Variants in RBM44 observed in about 807,000 individuals in gnomAD.
RBM44 encodes RNA-binding protein 44.
In RBM44, 66 loss-of-function variants were observed where a neutral mutation model predicts 105.1. The observed-to-expected ratio is 0.63, with a 90% CI of 0.52 to 0.77. The LOEUF (loss-of-function observed/expected upper bound fraction) is 0.77. Ranked by LOEUF, RBM44 falls within the 30% of genes least tolerant of loss-of-function variation. RBM44 has a pLI of 0.00. For missense variants in RBM44, 1,122 were observed against 1,207.8 expected (o/e 0.93, Z 1.05); for synonymous variants, 365 against 417.6 (o/e 0.87, Z 1.54).
chr2:237,835,194 T>C (rs1029938390), intron 15 of RBM44, among the ~76,000 whole-genome samples: 5 of 152,322 alleles, frequency 3.3e-5, no homozygotes, highest in South Asian at 2.1e-4. Context: ...TATAAATGTG[T>C]GTGTTCTGAC....
At chr2:237,833,553 C>T (rs2150989188) in intron 13 of RBM44, among the ~76,000 whole-genome samples, 1 of 152,306 alleles carries the variant, frequency 6.6e-6, no homozygotes, top group Non-Finnish European at 1.5e-5. Context: ...TCTCTAATTA[C>T]TGTGTAGCCT....
intron 8 of RBM44, among the ~76,000 whole-genome samples, chr2:237,822,319 G>A (rs2061801434): frequency 6.6e-6 from 1 of 151,968 alleles, no homozygotes; most frequent in South Asian, 2.1e-4. Context: ...ACTCTTTCTT[G>A]TTCCCGCAAG....
Position 237,817,725 on chromosome 2 carries a change from T to C in RBM44, c.806T>C (p.Met269Thr), listed in dbSNP as rs765670287. The change falls in exon 3 of 16, where the codon ATG becomes ACG. Residue 269 changes from methionine to threonine, a missense_variant. By Grantham distance (81) the Met-to-Thr change is moderately conservative (BLOSUM62 -1). Around this residue, in one of 3 missense-constraint regions of RBM44, gnomAD observed 918 missense variants for 955.3 expected, o/e 0.96. Transcript: ENST00000316997. ...GTCTCCAAATTTCAGAATTCTGTTA[T>C]GTTAAGAGAATATCATGACCTAAAG... ...LHVSKFQNSV[M>T]LREYHDLKHE... The C allele has an allele frequency of 3.2e-5, 52 of 1,612,172 alleles. No individual in the cohort carries two copies. The highest frequency in any genetic ancestry group is 4.3e-5 in the Non-Finnish European group (51 of 1,179,058).
In RBM44 at chr2:237,818,639, G is replaced by A; in HGVS notation, c.1677+43G>A. ...AATAATAAAATTTGGACTTTATAAAGAGACAGTGTATGCTAATGTAAGTGT... is the reference window on the plus strand; with the variant it reads ...AATAATAAAATTTGGACTTTATAAAAAGACAGTGTATGCTAATGTAAGTGT... On this transcript the variant is annotated intron_variant, in intron 3 of 15. Coordinates refer to ENST00000316997, the MANE Select transcript of RBM44 (RefSeq NM_001080504.3). This position sits in a 1 kb window ranked among gnomAD's most constrained non-coding sequence, Gnocchi z 4.6. The A allele has an allele frequency of 7.5e-7, 1 of 1,334,364 alleles. No homozygotes were observed. Among genetic ancestry groups the A allele is most frequent in the Non-Finnish European group, 1.0e-6 (1 of 994,866 alleles). 82.7% of individuals were successfully genotyped at this position (1,334,364 alleles called of 1,614,324 possible).
Position 237,808,839 on chromosome 2 carries a change from A to G in RBM44, c.-18-4753A>G, listed in dbSNP as rs1015502709. ...AGGTATTCCATTATATTAAAACGCT[A>G]TACTTTTTGATGCAATCCCCTTGGC... On this transcript the variant is annotated intron_variant, in intron 1 of 15. Transcript: ENST00000316997. Among the ~76,000 whole-genome samples the G allele has an allele frequency of 3.3e-5, 5 of 152,330 alleles. 1 individual carries two copies. The South Asian group carries it at 8.3e-4, about 25-fold the overall frequency.
In RBM44 at chr2:237,818,283, C is replaced by T. The variant is rs765776671; in HGVS notation, c.1364C>T (p.Thr455Ile). 1 of 1,613,286 alleles carries T rather than the reference C, an allele frequency of 6.2e-7. No individual in the cohort carries two copies. Among genetic ancestry groups the T allele is most frequent in the Non-Finnish European group, 8.5e-7 (1 of 1,179,506 alleles). The change falls in exon 3 of 16, where the codon ACA becomes ATA. Residue 455 changes from threonine to isoleucine, a missense_variant. Coordinates refer to ENST00000316997, the MANE Select transcript of RBM44 (RefSeq NM_001080504.3). The surrounding 1 kb of genome is among the most constrained non-coding windows in gnomAD (Gnocchi z 4.6). The stretch of plus-strand genomic sequence containing the variant: ...GGAGAAATGTGTACTAAATCATTGA[C>T]AGATGCAGCAAGTTGTACAGTCACA... ...NIGEMCTKSL[T>I]DAASCTVTIN... is the part of the protein sequence containing the mutation.
intron 1 of RBM44, among the ~76,000 whole-genome samples, chr2:237,806,076 T>A (rs1219118702): frequency 6.6e-6 from 1 of 152,188 alleles, no homozygotes; most frequent in Non-Finnish European, 1.5e-5. Flanking sequence ...GACATCAGCC[T>A]TATTTATTTC....
intron 1 of RBM44, among the ~76,000 whole-genome samples, chr2:237,805,223 C>T (rs923030521): frequency 1.3e-5 from 2 of 152,108 alleles, no homozygotes; most frequent in South Asian, 2.1e-4. Context: ...AAATCAAGAA[C>T]ATAATACCAC....
chr2:237,827,358 A>G, intron 11 of RBM44, 29 bp downstream of exon 11: 1 of 1,485,364 alleles, frequency 6.7e-7, no homozygotes, highest in South Asian at 1.2e-5. Context: ...TTTGAGCTTC[A>G]TTTTCAAATT....
intron 2 of RBM44, among the ~76,000 whole-genome samples, chr2:237,814,814 G>A (rs1194124131): frequency 6.6e-6 from 1 of 152,054 alleles, no homozygotes; most frequent in Non-Finnish European, 1.5e-5. Context: ...CATTTTGGAA[G>A]AAAGTTAAGT....
chr2:237,834,885 C>T (rs73086788), intron 15 of RBM44: 9,074 of 152,728 alleles, frequency 0.059, 397 homozygotes, highest in African/African-American at 0.12. Context: ...TTCCCCTAAG[C>T]AAGAGAGAGA....
chr2:237,808,584 G>A (rs2061623278), intron 1 of RBM44, among the ~76,000 whole-genome samples: 1 of 151,948 alleles, frequency 6.6e-6, no homozygotes, highest in Admixed American at 6.6e-5. Flanking sequence ...ACTATAGAAA[G>A]AATTTGTGAA....
At chr2:237,835,205 G>A (rs956547835) in intron 15 of RBM44, among the ~76,000 whole-genome samples, 1 of 152,076 alleles carries the variant, frequency 6.6e-6, no homozygotes, top group African/African-American at 2.4e-5. Flanking sequence ...GTGTTCTGAC[G>A]ACTCCACTCA....
rs1007923225 is a variant in RBM44, at chr2:237,841,182, G to A, written c.*23-657G>A. Among the ~76,000 whole-genome samples, 11 of 152,288 alleles carry A rather than the reference G, an allele frequency of 7.2e-5. No homozygotes were observed. Among genetic ancestry groups the A allele is most frequent in the East Asian group, 3.9e-4 (2 of 5,190 alleles). Reference sequence around the variant, plus strand: ...ATGAAATCAACCTAAATGCCCATCCGTGGTAGACTGGATAAAGATAAGTGT... The same window carrying A: ...ATGAAATCAACCTAAATGCCCATCCATGGTAGACTGGATAAAGATAAGTGT... On this transcript the variant is annotated intron_variant, in intron 15 of 15. Transcript: ENST00000316997. This position sits in a 1 kb window ranked among gnomAD's most constrained non-coding sequence, Gnocchi z 4.5.
At chr2:237,810,577 A>G (rs1158861226) in intron 1 of RBM44, among the ~76,000 whole-genome samples, 2 of 152,194 alleles carry the variant, frequency 1.3e-5, no homozygotes, top group Admixed American at 1.3e-4. Flanking sequence ...TAAATCAATC[A>G]CTGTAACACA....
intron 15 of RBM44, among the ~76,000 whole-genome samples, chr2:237,839,791 C>T (rs1241435615): frequency 6.6e-6 from 1 of 152,084 alleles, no homozygotes; most frequent in East Asian, 1.9e-4. Flanking sequence ...ATATATTAGA[C>T]TTCATCAAAA....
intron 7 of RBM44, 99 bp from the exon 8 acceptor site, chr2:237,821,644 C>T: frequency 3.5e-6 from 3 of 858,298 alleles, no homozygotes; most frequent in Non-Finnish European, 5.5e-6. Context: ...TTCAAGTCCT[C>T]TCTTTTAGCT....
At chr2:237,828,714 C>T (rs2061873921) in intron 12 of RBM44, among the ~76,000 whole-genome samples, 1 of 152,042 alleles carries the variant, frequency 6.6e-6, no homozygotes, top group East Asian at 1.9e-4. Context: ...AATTAAAATT[C>T]TGATTAGATT....
chr2:237,834,324 G>A lies in RBM44; in HGVS notation c.3079G>A (p.Gly1027Ser), dbSNP rs948374864. 1.3e-6 allele frequency: 2 copies of A among 1,576,504 alleles called. No individual in the cohort carries two copies. Among genetic ancestry groups the A allele is most frequent in the African/African-American group, 2.7e-5 (2 of 74,060 alleles). Reference sequence around the variant, plus strand: ...TCAGGAAGTGAGAATAAGACATAAAGGTTTTCTGAATGGCTTATCTATTAC... The same window carrying A: ...TCAGGAAGTGAGAATAAGACATAAAAGTTTTCTGAATGGCTTATCTATTAC... ...ALQEVRIRHK[G>S]FLNGLSITTI... The change falls in exon 15 of 16, where the codon GGT (glycine) becomes AGT (serine). Residue 1027 changes from glycine to serine, a missense_variant. Physicochemically the swap from Gly to Ser is moderately conservative, Grantham distance 56 (BLOSUM62 0). Coordinates refer to ENST00000316997, the MANE Select transcript of RBM44 (RefSeq NM_001080504.3).
Sources: gnomAD v4.1 joint callset for allele counts (sites outside exome capture counted in the v4.1 genomes callset) on GRCh38, gnomAD v4.1.1 for gene constraint, gnomAD v4.1.1 regional missense constraint, Gnocchi (gnomAD v3.1) non-coding constraint, MANE v1.5 for transcripts, NCBI Gene and HGNC (gene_info 2026-07-23, HGNC 2026-07-21) for gene names.